Variants in RRAS2 observed in about 807,000 individuals in gnomAD.
RRAS2 encodes the protein RAS related 2.
RRAS2 carries 7 observed loss-of-function variants against 27.6 expected under a neutral mutation model. That is an observed-to-expected ratio of 0.25 (90% CI 0.14 to 0.48). The LOEUF (loss-of-function observed/expected upper bound fraction) is 0.48. Among genes scored for constraint, RRAS2 ranks in the 20% least tolerant of loss-of-function variants. The pLI is 0.99. For synonymous variants in RRAS2, 86 were observed against 90.9 expected, an observed-to-expected ratio of 0.95 and a Z score of 0.31; for missense variants, 178 against 256.2, an observed-to-expected ratio of 0.69 and a Z score of 2.08.
chr11:14,287,378 C>T (rs1390497859), intron 4 of RRAS2, among the ~76,000 whole-genome samples: 2 of 152,014 alleles, frequency 1.3e-5, no homozygotes, highest in South Asian at 2.1e-4. Context: ...TATATATACA[C>T]AAAAAGTAAA....
rs1177431627 is a variant in RRAS2, at chr11:14,358,528, G to C, written c.108+235C>G. On this transcript the variant is annotated intron_variant, in intron 1 of 5. Transcript: ENST00000256196. The surrounding 1 kb of genome is among the most constrained non-coding windows in gnomAD (Gnocchi z 5.1). The stretch of plus-strand genomic sequence containing the variant: ...CCCACCCTTCCAGCTCCGCCCTCCC[G>C]ACCACATTCCTGAGAAGCCCTACTC... 1.0e-6 allele frequency: 1 copy of C among 985,230 alleles called. No individual in the cohort carries two copies. The highest frequency in any genetic ancestry group is 6.2e-5 in the Admixed American group (1 of 16,238). 61.0% of individuals were successfully genotyped at this position (985,230 alleles called of 1,614,324 possible).
At chr11:14,337,723 A>T (rs573663859) in intron 1 of RRAS2, among the ~76,000 whole-genome samples, 28 of 152,282 alleles carry the variant, frequency 1.8e-4, no homozygotes, top group Non-Finnish European at 3.7e-4. Flanking sequence ...AGTTTCAGGC[A>T]TCTGCGGGGG....
At chr11:14,295,742 T>G (rs1554946498) in intron 2 of RRAS2, 26 bp downstream of exon 2, 2 of 1,550,552 alleles carry the variant, frequency 1.3e-6, no homozygotes, top group South Asian at 2.4e-5. Context: ...GATATGCAAA[T>G]TATCAAACAA....
chr11:14,349,676 CAACAAA>C (rs1848911086), intron 1 of RRAS2, among the ~76,000 whole-genome samples: 1 of 152,110 alleles, frequency 6.6e-6, no homozygotes, highest in Non-Finnish European at 1.5e-5. Context: ...TTTATGACAA[CAACAAA>C]AACCAAAAAT....
At chr11:14,341,355 A>G (rs1848702134) in intron 1 of RRAS2, among the ~76,000 whole-genome samples, 1 of 152,208 alleles carries the variant, frequency 6.6e-6, no homozygotes, top group Non-Finnish European at 1.5e-5. Context: ...GAGAAAAGTT[A>G]AAGGCATTTC....
chr11:14,302,958 T>C (rs1564961977), intron 1 of RRAS2, among the ~76,000 whole-genome samples: 1 of 152,188 alleles, frequency 6.6e-6, no homozygotes, highest in Non-Finnish European at 1.5e-5. Flanking sequence ...TCACACCAAC[T>C]TTGCAGGATT....
intron 1 of RRAS2, among the ~76,000 whole-genome samples, chr11:14,333,705 C>T (rs1260806894): frequency 1.3e-5 from 2 of 149,200 alleles, no homozygotes; most frequent in African/African-American, 2.5e-5. Flanking sequence ...GCAGTGGCAG[C>T]GATCACAGCT....
exon 1 of RRAS2, chr11:14,364,495 T>G (rs1849229082): frequency 2.0e-6 from 2 of 991,356 alleles, no homozygotes; most frequent in South Asian, 2.7e-5. Context: ...AGGAGCTGCA[T>G]GCATCTGAGA....
chr11:14,314,824 G>A (rs919288025), intron 1 of RRAS2, among the ~76,000 whole-genome samples: 25 of 152,264 alleles, frequency 1.6e-4, no homozygotes, highest in Admixed American at 9.8e-4. Flanking sequence ...GAGTAGCTGG[G>A]ACTACAGGCA....
chr11:14,320,632 T>G (rs1848201652), intron 1 of RRAS2, among the ~76,000 whole-genome samples: 1 of 152,192 alleles, frequency 6.6e-6, no homozygotes, highest in Admixed American at 6.5e-5. Flanking sequence ...TAGAAAAGGT[T>G]GTGCAAAAAC....
At position 14,288,143 on chromosome 11, in the gene RRAS2, A is replaced by G. The variant is rs562841060; in HGVS notation, c.408+6328T>C. 1.1e-4 allele frequency among the ~76,000 whole-genome samples: 17 copies of G among 151,260 alleles called. No individual in the cohort carries two copies. In the South Asian group the frequency reaches 3.3e-3, roughly 30 times the overall value. On this transcript the variant is annotated intron_variant, in intron 4 of 5. Transcript: ENST00000256196. ...CTACAGGCACGTGCCACCATGCCTA[A>G]TTTTTTTTTATTTTTAGTAGAGGCA...
intron 1 of RRAS2, among the ~76,000 whole-genome samples, chr11:14,352,625 G>A (rs1355587569): frequency 2.0e-5 from 3 of 149,612 alleles, no homozygotes; most frequent in Non-Finnish European, 3.0e-5. Flanking sequence ...AGGAAGGCAC[G>A]GTGGAATTAA....
rs144826806 is a variant in RRAS2 at position 14,310,302 on chromosome 11, T to G, written c.109-14447A>C. Among the ~76,000 whole-genome samples the G allele has an allele frequency of 7.2e-5, 11 of 152,278 alleles. No individual in the cohort carries two copies. In the East Asian group the frequency reaches 2.1e-3, roughly 29 times the overall value. Reference sequence around the variant, plus strand: ...CTACAGAAATGAGTCTGGGATTCACTGAGAAGGTGGGGCTGAAGACAAATT... The same window carrying G: ...CTACAGAAATGAGTCTGGGATTCACGGAGAAGGTGGGGCTGAAGACAAATT... On this transcript the variant is annotated intron_variant, in intron 1 of 5. Transcript: ENST00000256196.
chr11:14,351,024 T>G (rs936225507), intron 1 of RRAS2, among the ~76,000 whole-genome samples: 4 of 152,202 alleles, frequency 2.6e-5, no homozygotes, highest in Admixed American at 2.6e-4. Context: ...GTGCATCTTC[T>G]GGGTAAATTC....
intron 4 of RRAS2, among the ~76,000 whole-genome samples, chr11:14,284,856 G>A (rs1251927162): frequency 6.6e-6 from 1 of 152,032 alleles, no homozygotes; most frequent in African/African-American, 2.4e-5. Flanking sequence ...AATTAAAGTA[G>A]CTATATAAAT....
intron 4 of RRAS2, among the ~76,000 whole-genome samples, chr11:14,293,125 A>ATATATATATATATAT: frequency 2.8e-4 from 2 of 7,208 alleles, no homozygotes; most frequent in Admixed American, 5.1e-3. Context: ...AACAAAACAA[A>ATATATATATATATAT]TATATATATA....
chr11:14,294,595 T>A lies in RRAS2; in HGVS notation c.300-16A>T. On this transcript the variant is annotated splice_polypyrimidine_tract_variant and intron_variant, in intron 3 of 5. Transcript: ENST00000256196. ...TTCTTCAAAACTTAAAAAAAAAAAA[T>A]CAAAAACAAATTAATCAATTTGGTC... 2 of 1,476,172 alleles carry A rather than the reference T, an allele frequency of 1.4e-6. No homozygotes were observed. Among genetic ancestry groups the A allele is most frequent in the Non-Finnish European group, 1.9e-6 (2 of 1,074,130 alleles). The allele number at this position is 1,476,172 out of a possible 1,614,324, so 91.4% of individuals were successfully genotyped here.
chr11:14,297,779 T>C (rs1847594251), intron 1 of RRAS2, among the ~76,000 whole-genome samples: 1 of 152,162 alleles, frequency 6.6e-6, no homozygotes, highest in South Asian at 2.1e-4. Context: ...AAAATTTTTT[T>C]TAAATTAAAA....
rs1268012205 is a variant in RRAS2, at chr11:14,295,711, GCTTA to G, written c.196+53_196+56del. On this transcript the variant is annotated intron_variant, in intron 2 of 5. Coordinates refer to ENST00000256196, the MANE Select transcript of RRAS2 (RefSeq NM_012250.6). ...TTATTTAACATAGCAAAACATCAGC[GCTTA>G]CTTTTTTAAAAAATATGATATGCAA... The G allele has an allele frequency of 1.7e-5, 22 of 1,300,030 alleles. 1 individual carries two copies. The East Asian group carries it at 2.1e-4, about 12-fold the overall frequency. 80.5% of individuals were successfully genotyped at this position (1,300,030 alleles called of 1,614,324 possible). A position where few individuals can be genotyped will look rare whatever the true frequency, so the allele number is the denominator to read the frequency against.
Sources: gnomAD v4.1 joint callset for allele counts (sites outside exome capture counted in the v4.1 genomes callset) on GRCh38, gnomAD v4.1.1 for gene constraint, Gnocchi (gnomAD v3.1) non-coding constraint, MANE v1.5 for transcripts, NCBI Gene and HGNC (gene_info 2026-07-23, HGNC 2026-07-21) for gene names.